GNA14: variants seen among roughly 807,000 people sequenced by gnomAD.
The protein encoded by GNA14 is guanine nucleotide-binding protein subunit alpha-14.
In GNA14, 50 loss-of-function variants were observed where a neutral mutation model predicts 42.0. That is an observed-to-expected ratio of 1.19 (90% CI 0.95 to 1.51). GNA14 has a LOEUF of 1.51. Among genes scored for constraint, GNA14 ranks in the 40% most tolerant of loss-of-function variants. The pLI is 0.00. For synonymous variants in GNA14, 173 were observed against 163.1 expected, an observed-to-expected ratio of 1.06 and a Z score of -0.46; for missense variants, 473 against 446.2, an observed-to-expected ratio of 1.06 and a Z score of -0.54.
At chr9:77,553,632 C>CA (rs147052098) in intron 1 of GNA14, among the ~76,000 whole-genome samples, 17 of 151,696 alleles carry the variant, frequency 1.1e-4, no homozygotes, top group South Asian at 2.1e-4. Flanking sequence ...GGCAAATTGA[C>CA]AAAAAAAATC....
intron 1 of GNA14, among the ~76,000 whole-genome samples, chr9:77,610,900 G>A (rs903998554): frequency 6.6e-6 from 1 of 152,094 alleles, no homozygotes; most frequent in African/African-American, 2.4e-5. Flanking sequence ...GTGTGAAAGG[G>A]GACTCTGGTT....
chr9:77,648,044 C>T lies in GNA14; in HGVS notation c.-251G>A. ...CACCCCGGATCCGGGCTCAGCCCGC[C>T]CCACTCTCGCTCTGGGGAGGAGGAG... On this transcript the variant is annotated 5_prime_UTR_variant, in exon 1 of 7. Coordinates refer to ENST00000341700, the MANE Select transcript of GNA14 (RefSeq NM_004297.4). The T allele has an allele frequency of 1.9e-6, 1 of 513,102 alleles. No individual in the cohort carries two copies. Among genetic ancestry groups the T allele is most frequent in the African/African-American group, 2.0e-5 (1 of 49,378 alleles). 31.8% of individuals were successfully genotyped at this position (513,102 alleles called of 1,614,324 possible).
At chr9:77,441,110 G>A (rs377019371) in intron 2 of GNA14, among the ~76,000 whole-genome samples, 9 of 152,226 alleles carry the variant, frequency 5.9e-5, no homozygotes, top group Non-Finnish European at 7.4e-5. Context: ...TAATATTTTC[G>A]TTAAAATTAA....
rs1836523496 is a variant in GNA14 at position 77,480,452 on chromosome 9, C to T, written c.310-45930G>A. ...TTGATGTGCTGCTGGATTCGGTTTG[C>T]CAGTATTTTATTGAGGATTTTTGCA... On this transcript the variant is annotated intron_variant, in intron 2 of 6. Coordinates refer to ENST00000341700, the MANE Select transcript of GNA14 (RefSeq NM_004297.4). Among the ~76,000 whole-genome samples, 3 of 152,150 alleles carry T rather than the reference C, an allele frequency of 2.0e-5. No individual in the cohort carries two copies. In the South Asian group the frequency reaches 6.2e-4, roughly 31 times the overall value.
chr9:77,630,424 G>GT (rs1018299542), intron 1 of GNA14, among the ~76,000 whole-genome samples: 2 of 152,112 alleles, frequency 1.3e-5, no homozygotes, highest in African/African-American at 4.8e-5. Context: ...GGCCAAGAGA[G>GT]TAAGATTTAT....
chr9:77,424,152 T>A lies in GNA14; in HGVS notation c.895A>T (p.Arg299Ter), dbSNP rs368198136. The change falls in exon 7 of 7, where the codon AGA (arginine) becomes TGA (stop). Residue 299 changes from arginine to a stop codon, truncating the protein, a stop_gained. Coordinates refer to ENST00000341700, the MANE Select transcript of GNA14 (RefSeq NM_004297.4). LOFTEE classifies it high-confidence loss of function. ...PEYTGPKQDVRAARDFILKLY... is the reference protein window; with the variant it reads ...PEYTGPKQDV ...TTCAGGATAAAGTCTCTGGCAGCTCTGACATCCTGTTTCGGTCCTAGTCAC... is the reference window on the plus strand; with the variant it reads ...TTCAGGATAAAGTCTCTGGCAGCTCAGACATCCTGTTTCGGTCCTAGTCAC... 2.5e-6 allele frequency: 4 copies of A among 1,609,780 alleles called. No individual in the cohort carries two copies. Among genetic ancestry groups the A allele is most frequent in the African/African-American group, 2.7e-5 (2 of 74,824 alleles).
chr9:77,595,789 T>G (rs1022690234), intron 1 of GNA14, among the ~76,000 whole-genome samples: 4 of 151,708 alleles, frequency 2.6e-5, no homozygotes, highest in African/African-American at 9.8e-5. Context: ...TTGCAACCAT[T>G]GTATTCTCTC....
chr9:77,544,440 C>T lies in GNA14; in HGVS notation c.125-15187G>A, dbSNP rs1015035499. Among the ~76,000 whole-genome samples, 8 of 152,104 alleles carry T rather than the reference C, an allele frequency of 5.3e-5. No individual in the cohort carries two copies. The East Asian group carries it at 5.8e-4, about 11-fold the overall frequency. Reference sequence around the variant, plus strand: ...TCAGTAGGTTGGGCATGGTGTCTCACGCCTGTAATCCCAGCACTTTGGGAG... The same window carrying T: ...TCAGTAGGTTGGGCATGGTGTCTCATGCCTGTAATCCCAGCACTTTGGGAG... On this transcript the variant is annotated intron_variant, in intron 1 of 6. Transcript: ENST00000341700.
intron 1 of GNA14, among the ~76,000 whole-genome samples, chr9:77,566,620 C>T (rs1022434150): frequency 6.6e-6 from 1 of 152,130 alleles, no homozygotes; most frequent in African/African-American, 2.4e-5. Context: ...ATAAATAAAT[C>T]CAGCTAGAAG....
intron 2 of GNA14, among the ~76,000 whole-genome samples, chr9:77,437,498 G>A (rs1225569469): frequency 6.6e-6 from 1 of 151,588 alleles, no homozygotes; most frequent in Non-Finnish European, 1.5e-5. Context: ...GTGAGACACA[G>A]CTACTGCACA....
At chr9:77,610,086 G>C (rs1389502653) in intron 1 of GNA14, among the ~76,000 whole-genome samples, 2 of 152,170 alleles carry the variant, frequency 1.3e-5, no homozygotes, top group Non-Finnish European at 2.9e-5. Flanking sequence ...GGCTTTATCT[G>C]AATAATAACA....
At chr9:77,481,916 AT>A (rs905331887) in intron 2 of GNA14, among the ~76,000 whole-genome samples, 7 of 149,512 alleles carry the variant, frequency 4.7e-5, no homozygotes, top group Admixed American at 2.0e-4. Context: ...ATCTTCCTCC[AT>A]CCTTTTTTTT....
Position 77,621,197 on chromosome 9 carries a change from G to A in GNA14, c.124+26473C>T, listed in dbSNP as rs148181324. Among the ~76,000 whole-genome samples, 530 of 152,228 alleles carry A rather than the reference G, an allele frequency of 3.5e-3. 5 individuals carry two copies. The highest frequency in any genetic ancestry group is 9.9e-3 in the African/African-American group (412 of 41,556). On this transcript the variant is annotated intron_variant, in intron 1 of 6. Transcript: ENST00000341700. ...AATCTGCCTGCCTCAGCCTCCCAACGTGCTGTGATTACAGGTGCGAGTCAC... is the reference window on the plus strand; with the variant it reads ...AATCTGCCTGCCTCAGCCTCCCAACATGCTGTGATTACAGGTGCGAGTCAC...
intron 1 of GNA14, among the ~76,000 whole-genome samples, chr9:77,629,870 A>G (rs891476776): frequency 2.0e-5 from 3 of 152,208 alleles, no homozygotes; most frequent in African/African-American, 7.2e-5. Flanking sequence ...CCAGAACTTA[A>G]AGTATAAAAA....
chr9:77,581,013 CA>C (rs1564058773), intron 1 of GNA14, among the ~76,000 whole-genome samples: 17 of 150,060 alleles, frequency 1.1e-4, no homozygotes, highest in African/African-American at 4.3e-4. Flanking sequence ...CACACACACA[CA>C]CACACACACA....
chr9:77,623,221 A>C (rs1823958557), intron 1 of GNA14, among the ~76,000 whole-genome samples: 1 of 96,202 alleles, frequency 1.0e-5, no homozygotes, highest in African/African-American at 1.0e-4. Context: ...TGTCTCAAAA[A>C]AAAAAAAAAA....
At chr9:77,441,210 G>A (rs1354054432) in intron 2 of GNA14, among the ~76,000 whole-genome samples, 1 of 152,154 alleles carries the variant, frequency 6.6e-6, no homozygotes, top group African/African-American at 2.4e-5. Flanking sequence ...ACATGTCAAG[G>A]GAGGGACCTG....
intron 2 of GNA14, among the ~76,000 whole-genome samples, chr9:77,492,296 G>A (rs921808475): frequency 1.3e-5 from 2 of 151,068 alleles, no homozygotes; most frequent in African/African-American, 4.9e-5. Flanking sequence ...AAATAATGGA[G>A]ATCAGAATAT....
chr9:77,647,850 G>A lies in GNA14; in HGVS notation c.-57C>T. 6.4e-7 allele frequency: 1 copy of A among 1,565,750 alleles called. No individual in the cohort carries two copies. Among genetic ancestry groups the A allele is most frequent in the Non-Finnish European group, 8.6e-7 (1 of 1,160,770 alleles). On this transcript the variant is annotated 5_prime_UTR_variant, in exon 1 of 7. Coordinates refer to ENST00000341700, the MANE Select transcript of GNA14 (RefSeq NM_004297.4). ...CGCGGCCCCGGGCACCCGAATCCTCGGCCCGGCCGCTCACCCGGCCAGCAT... is the reference window on the plus strand; with the variant it reads ...CGCGGCCCCGGGCACCCGAATCCTCAGCCCGGCCGCTCACCCGGCCAGCAT...
Sources: gnomAD v4.1 joint callset for allele counts (sites outside exome capture counted in the v4.1 genomes callset) on GRCh38, gnomAD v4.1.1 for gene constraint, MANE v1.5 for transcripts, NCBI Gene and HGNC (gene_info 2026-07-23, HGNC 2026-07-21) for gene names.